AKT1: variants seen among roughly 807,000 people sequenced by gnomAD.
AKT1 encodes the protein RAC-alpha serine/threonine-protein kinase.
In AKT1, 21 loss-of-function variants were observed where a neutral mutation model predicts 63.1. The ratio of observed to expected loss-of-function variants is 0.33; its 90% CI spans 0.24 to 0.48. AKT1 has a LOEUF of 0.48. AKT1 is among the 20% of genes least tolerant of loss of function. The probability of loss-of-function intolerance (pLI) is 0.99; values close to 1 mark genes in which losing one functional copy is unlikely to be tolerated. For missense variants in AKT1, 382 were observed against 666.0 expected (o/e 0.57, Z 4.69); for synonymous variants, 257 against 253.1 (o/e 1.02, Z -0.15).
rs17846832 is a variant in AKT1 at position 104,772,299 on chromosome 14, G to T, written c.1260+66C>A. 2,367 of 1,541,114 alleles carry T rather than the reference G, an allele frequency of 1.5e-3. 5 individuals are homozygous for T. The highest frequency in any genetic ancestry group is 1.7e-3 in the Non-Finnish European group (1,866 of 1,114,982). On this transcript the variant is annotated intron_variant, in intron 13 of 14. Transcript: ENST00000649815. ...GTGGGAAATCTGGCGAGCGTGCCAC[G>T]TGCATGCGTGAGTGTGGATATGTGG... is the stretch of plus-strand genomic sequence containing the variant.
intron 14 of AKT1, 73 bp from the exon 15 acceptor site, chr14:104,770,493 G>A: frequency 7.1e-7 from 1 of 1,413,332 alleles, no homozygotes; most frequent in Admixed American, 2.1e-5. Flanking sequence ...GCTCCAGTAG[G>A]AAGCCAACCT....
chr14:104,789,743 C>T (rs1439348012), intron 3 of AKT1, among the ~76,000 whole-genome samples: 1 of 152,184 alleles, frequency 6.6e-6, no homozygotes, highest in East Asian at 1.9e-4. Flanking sequence ...CATCTGGCCC[C>T]CTGTCCCTAT....
At position 104,769,487 on chromosome 14, in the gene AKT1, G is replaced by C. The variant is rs58565216; in HGVS notation, c.*854C>G. ...GCAGCGTCTGGCCAGGAGGCGTGGA[G>C]GGGCCCAGGGATGGCCACCCCCACA... On this transcript the variant is annotated 3_prime_UTR_variant, in exon 15 of 15. Transcript: ENST00000649815. The C allele has an allele frequency of 0.034, 17,646 of 516,422 alleles. 1,483 individuals carry two copies. The highest frequency in any genetic ancestry group is 0.23 in the African/African-American group (11,944 of 52,306). The allele number at this position is 516,422 out of a possible 1,614,324, so 32.0% of individuals were successfully genotyped here.
chr14:104,786,392 G>A (rs1005618629), intron 3 of AKT1: 7 of 152,338 alleles, frequency 4.6e-5, no homozygotes, highest in African/African-American at 1.4e-4. Context: ...CACTGCCCTC[G>A]GGAAAGGAAG....
chr14:104,772,538 C>T, intron 12 of AKT1, 86 bp from the exon 13 acceptor site: 1 of 1,365,950 alleles, frequency 7.3e-7, no homozygotes, highest in Admixed American at 1.8e-5. Flanking sequence ...TGATGTAGGG[C>T]CCGCCAGACA....
At chr14:104,777,687 C>G (rs1184916636) in intron 4 of AKT1, 2 of 986,184 alleles carry the variant, frequency 2.0e-6, no homozygotes, top group Non-Finnish European at 1.2e-6. Flanking sequence ...AGGCTCTGGC[C>G]CAGCCTGTGC....
intron 4 of AKT1, among the ~76,000 whole-genome samples, chr14:104,779,578 AG>A (rs1892911633): frequency 8.2e-6 from 1 of 121,594 alleles, no homozygotes; most frequent in African/African-American, 3.8e-5. Context: ...CATGGGCACC[AG>A]GGAACTGCTC....
chr14:104,792,852 C>A, intron 2 of AKT1, 130 bp from the exon 3 acceptor site: 1 of 631,294 alleles, frequency 1.6e-6, no homozygotes, highest in Non-Finnish European at 2.8e-6. Context: ...AGGTGGGCTG[C>A]CATCCCTCTA....
At chr14:104,771,078 C>T (rs1221215560) in intron 13 of AKT1, 1 of 538,412 alleles carries the variant, frequency 1.9e-6, no homozygotes, top group African/African-American at 1.9e-5. Flanking sequence ...GCAAAGCTGC[C>T]CTCACAGCAG....
chr14:104,788,682 G>A (rs1392579296), intron 3 of AKT1, among the ~76,000 whole-genome samples: 1 of 152,182 alleles, frequency 6.6e-6, no homozygotes, highest in Non-Finnish European at 1.5e-5. Flanking sequence ...CCCCCCGCAG[G>A]GACAGCCAGT....
At chr14:104,780,462 G>A (rs928281609) in intron 3 of AKT1, among the ~76,000 whole-genome samples, 7 of 152,300 alleles carry the variant, frequency 4.6e-5, no homozygotes, top group Middle Eastern at 3.4e-3. Context: ...GTCTGAAAAC[G>A]GGCTGGGCCA....
At chr14:104,792,025 TGGCCA>T (rs918773354) in intron 3 of AKT1, among the ~76,000 whole-genome samples, 120 of 152,218 alleles carry the variant, frequency 7.9e-4, no homozygotes, top group African/African-American at 2.8e-3. Context: ...ACCCAGCTGC[TGGCCA>T]GGCCCCTCGG....
chr14:104,773,546 G>A lies in AKT1; in HGVS notation c.737C>T (p.Ser246Phe). Residue 246 changes from serine (S) to phenylalanine (F), a missense_variant, in exon 10 of 15, where the codon TCC becomes TTC. Transcript: ENST00000649815. The part of the protein sequence containing the change: ...FFHLSRERVF[S>F]EDRARFYGAE... The stretch of plus-strand genomic sequence containing the variant: ...GCCATAGAAGCGGGCCCGGTCCTCG[G>A]AGAACACACGCTCCCGGGACAGGTG... 1.9e-6 allele frequency: 3 copies of A among 1,611,062 alleles called. No individual in the cohort carries two copies. Among genetic ancestry groups the A allele is most frequent in the Non-Finnish European group, 2.5e-6 (3 of 1,178,842 alleles).
Position 104,788,955 on chromosome 14 carries a change from G to A in AKT1, c.46+3643C>T, listed in dbSNP as rs61759769. Reference sequence around the variant, plus strand: ...ACACGGTCCCGTGTCACCCGGGCCCGGCCAGGCACCCAGATCCGTGGCTTG... The same window carrying A: ...ACACGGTCCCGTGTCACCCGGGCCCAGCCAGGCACCCAGATCCGTGGCTTG... On this transcript the variant is annotated intron_variant, in intron 3 of 14. Coordinates refer to ENST00000649815, the MANE Select transcript of AKT1 (RefSeq NM_001382430.1). Among the ~76,000 whole-genome samples the A allele has an allele frequency of 2.6e-3, 401 of 152,318 alleles. 1 individual carries two copies. The highest frequency in any genetic ancestry group is 8.8e-3 in the African/African-American group (366 of 41,564).
Position 104,770,144 on chromosome 14 carries a change from A to T in AKT1, c.*197T>A, listed in dbSNP as rs1045172220. The T allele has an allele frequency of 3.2e-6, 2 of 620,054 alleles. No homozygotes were observed. The highest frequency in any genetic ancestry group is 5.4e-5 in the Admixed American group (2 of 36,878). The allele number at this position is 620,054 out of a possible 1,614,324, so 38.4% of individuals were successfully genotyped here. A position where few individuals can be genotyped will look rare whatever the true frequency, so the allele number is the denominator to read the frequency against. ...CTGGATGAAATAAATTAAAACCCGC[A>T]GGATAGTTTTCTTCCCTACCCCGCT... On this transcript the variant is annotated 3_prime_UTR_variant, in exon 15 of 15. Transcript: ENST00000649815.
chr14:104,779,508 A>G (rs1892908004), intron 4 of AKT1, among the ~76,000 whole-genome samples: 1 of 152,228 alleles, frequency 6.6e-6, no homozygotes, highest in South Asian at 2.1e-4. Context: ...CCCCCGGGGC[A>G]GCTGTCCACC....
Position 104,775,692 on chromosome 14 carries a change from T to C in AKT1, c.395A>G (p.Glu132Gly). 1 of 1,614,074 alleles carries C rather than the reference T, an allele frequency of 6.2e-7. No homozygotes were observed. Among genetic ancestry groups the C allele is most frequent in the African/African-American group, 1.3e-5 (1 of 75,050 alleles). ...SGSPSDNSGA[E>G]EMEVSLAKPK... The stretch of plus-strand genomic sequence containing the variant: ...CTTGGCCAGGGACACCTCCATCTCT[T>C]CAGCCCCTGAGTTGTCACTGGGTGA... The change falls in exon 6 of 15, where the codon GAA becomes GGA. Residue 132 changes from glutamate (E) to glycine (G), a missense_variant. Physicochemically the swap from Glu to Gly is moderately conservative, Grantham distance 98. Coordinates refer to ENST00000649815, the MANE Select transcript of AKT1 (RefSeq NM_001382430.1).
At chr14:104,787,249 A>C (rs577487885) in intron 3 of AKT1, among the ~76,000 whole-genome samples, 56 of 152,242 alleles carry the variant, frequency 3.7e-4, no homozygotes, top group South Asian at 1.0e-3. Flanking sequence ...CTCCCGTTGG[A>C]GATGAGGAAG....
chr14:104,792,754 C>A (rs1236245755), intron 2 of AKT1, 32 bp from the exon 3 acceptor site: 6 of 1,366,434 alleles, frequency 4.4e-6, no homozygotes, highest in Middle Eastern at 1.8e-4. Flanking sequence ...GAATGTGAGG[C>A]CACGCCTGGC....
Sources: gnomAD v4.1 joint callset for allele counts (sites outside exome capture counted in the v4.1 genomes callset) on GRCh38, gnomAD v4.1.1 for gene constraint, MANE v1.5 for transcripts, NCBI Gene and HGNC (gene_info 2026-07-23, HGNC 2026-07-21) for gene names.